Variants in TLN2 observed in about 807,000 individuals in gnomAD.
The protein encoded by TLN2 is talin 2.
Under a neutral mutation model 294.7 loss-of-function variants are expected in TLN2, and 118 were observed. That is an observed-to-expected ratio of 0.40 (90% CI 0.34 to 0.47). The LOEUF (loss-of-function observed/expected upper bound fraction) is 0.47. Among genes scored for constraint, TLN2 ranks in the 20% least tolerant of loss-of-function variants. TLN2 has a pLI of 0.84. For missense variants in TLN2, 3,083 were observed against 3,282.2 expected, an observed-to-expected ratio of 0.94 and a Z score of 1.48; for synonymous variants, 1,431 against 1,304.5, an observed-to-expected ratio of 1.10 and a Z score of -2.09.
chr15:62,503,093 A>G (rs932996339), intron 1 of TLN2, among the ~76,000 whole-genome samples: 3 of 149,582 alleles, frequency 2.0e-5, no homozygotes, highest in African/African-American at 7.4e-5. Context: ...GTGTGGCCAG[A>G]TTGCAGACTC....
At chr15:62,806,718 C>G (rs937583304) in intron 51 of TLN2, among the ~76,000 whole-genome samples, 1 of 152,182 alleles carries the variant, frequency 6.6e-6, no homozygotes, top group Non-Finnish European at 1.5e-5. Flanking sequence ...AGCCCCCACC[C>G]TAGGCCTTCC....
intron 2 of TLN2, among the ~76,000 whole-genome samples, chr15:62,605,201 G>T (rs2047330688): frequency 6.6e-6 from 1 of 152,146 alleles, no homozygotes; most frequent in Admixed American, 6.5e-5. Flanking sequence ...GTGAATTACA[G>T]TGTAGGTTTA....
chr15:62,652,120 T>A lies in TLN2; in HGVS notation c.350T>A (p.Ile117Asn), dbSNP rs930457718. The change falls in exon 6 of 59, where the codon ATT (isoleucine) becomes AAT (asparagine). Residue 117 changes from isoleucine (I) to asparagine (N), a missense_variant. Transcript: ENST00000636159. The stretch of plus-strand genomic sequence containing the variant: ...ACTGTGGGGGAGCTCCTGGTCACTA[T>A]TTGTAGCAGAATAGGTGAGCATTCA... Reference protein sequence around the residue: ...SKTVGELLVTICSRIGITNYE... With the variant: ...SKTVGELLVTNCSRIGITNYE... The A allele has an allele frequency of 6.3e-7, 1 of 1,599,530 alleles. No homozygotes were observed. Among genetic ancestry groups the A allele is most frequent in the Non-Finnish European group, 8.5e-7 (1 of 1,172,398 alleles).
intron 21 of TLN2, among the ~76,000 whole-genome samples, chr15:62,710,559 T>C (rs1446335482): frequency 3.3e-5 from 5 of 152,172 alleles, no homozygotes; most frequent in Admixed American, 1.3e-4. Flanking sequence ...AGAGGAAATA[T>C]GGAGAGTTCC....
intron 1 of TLN2, among the ~76,000 whole-genome samples, chr15:62,489,395 G>A (rs1339454104): frequency 6.6e-6 from 1 of 152,100 alleles, no homozygotes; most frequent in African/African-American, 2.4e-5. Flanking sequence ...TATCTCAGAG[G>A]CACTTTTAAA....
intron 1 of TLN2, among the ~76,000 whole-genome samples, chr15:62,403,454 A>G (rs1390273333): frequency 6.6e-6 from 1 of 152,092 alleles, no homozygotes; most frequent in Non-Finnish European, 1.5e-5. Flanking sequence ...GCTGGTTTCA[A>G]ACTCCTGGGT....
chr15:62,661,603 A>G (rs1176942613), intron 9 of TLN2, among the ~76,000 whole-genome samples: 1 of 152,226 alleles, frequency 6.6e-6, no homozygotes, highest in Admixed American at 6.5e-5. Flanking sequence ...TATATTAGGC[A>G]TCATACTGAA....
chr15:62,457,074 T>G (rs1368710971), intron 1 of TLN2, among the ~76,000 whole-genome samples: 2 of 152,350 alleles, frequency 1.3e-5, no homozygotes, highest in African/African-American at 4.8e-5. Flanking sequence ...GGGGAAGGTA[T>G]TAGCTCAGGT....
At chr15:62,830,000 AT>A (rs1473948448) in intron 54 of TLN2, 1 of 152,220 alleles carries the variant, frequency 6.6e-6, no homozygotes, top group Non-Finnish European at 1.5e-5. Context: ...AAGACTATCA[AT>A]TTATCCTGTT....
intron 43 of TLN2, among the ~76,000 whole-genome samples, chr15:62,779,572 G>T (rs1250320921): frequency 6.6e-6 from 1 of 152,138 alleles, no homozygotes; most frequent in Non-Finnish European, 1.5e-5. Flanking sequence ...AGGTTCTTTG[G>T]CTGGTGGCCA....
chr15:62,707,828 T>A (rs1391849005), intron 20 of TLN2, among the ~76,000 whole-genome samples: 1 of 151,848 alleles, frequency 6.6e-6, no homozygotes, highest in Non-Finnish European at 1.5e-5. Flanking sequence ...GAGTTACAAC[T>A]CAAGTCCATC....
chr15:62,834,939 G>A (rs1218674492), intron 55 of TLN2: 9 of 152,180 alleles, frequency 5.9e-5, no homozygotes, highest in Non-Finnish European at 1.3e-4. Context: ...TAAAAAATTG[G>A]TGAAGGAGGT....
chr15:62,832,838 C>CTTTT (rs1014392232), intron 54 of TLN2: 1 of 143,934 alleles, frequency 6.9e-6, no homozygotes. Context: ...GCCATCTTTC[C>CTTTT]TTTTTTTTTT....
intron 42 of TLN2, among the ~76,000 whole-genome samples, chr15:62,775,606 G>A (rs576424068): frequency 6.6e-6 from 1 of 152,288 alleles, no homozygotes; most frequent in South Asian, 2.1e-4. Context: ...GCCAGTTCCT[G>A]TGGCTCACAT....
At chr15:62,445,892 G>A (rs903376481) in intron 1 of TLN2, among the ~76,000 whole-genome samples, 2 of 152,064 alleles carry the variant, frequency 1.3e-5, no homozygotes, top group African/African-American at 4.8e-5. Context: ...TTGAACTCCT[G>A]GGCTCAAGGG....
chr15:62,669,861 A>G (rs1315004298), intron 9 of TLN2, among the ~76,000 whole-genome samples: 1 of 152,134 alleles, frequency 6.6e-6, no homozygotes, highest in Non-Finnish European at 1.5e-5. Context: ...TGCCACACAC[A>G]TGCACACACT....
intron 1 of TLN2, among the ~76,000 whole-genome samples, chr15:62,586,795 G>T (rs1209555427): frequency 6.6e-6 from 1 of 152,138 alleles, no homozygotes; most frequent in Non-Finnish European, 1.5e-5. Flanking sequence ...CAATTCCCTT[G>T]TTAGTCAGGA....
Position 62,698,826 on chromosome 15 carries a change from C to T in TLN2, c.1546C>T (p.Leu516Phe). 1.9e-6 allele frequency: 3 copies of T among 1,612,998 alleles called. No individual in the cohort carries two copies. Among genetic ancestry groups the T allele is most frequent in the Non-Finnish European group, 2.5e-6 (3 of 1,180,028 alleles). ...CGCCGTCCAGCAGGCCCAGGATGAT[C>T]TCAGTGAGCTCGACTCGCTGCCACC... ...MHAVQQAQDD[L>F]SELDSLPPLG... The change falls in exon 16 of 59, where the codon CTC (leucine) becomes TTC (phenylalanine). Residue 516 changes from leucine (L) to phenylalanine (F), a missense_variant. Transcript: ENST00000636159.
At chr15:62,465,203 T>A (rs1374028262) in intron 1 of TLN2, among the ~76,000 whole-genome samples, 1 of 151,678 alleles carries the variant, frequency 6.6e-6, no homozygotes, top group East Asian at 1.9e-4. Flanking sequence ...TATGTGCTGT[T>A]TCCTTTTAGC....
Sources: gnomAD v4.1 joint callset for allele counts (sites outside exome capture counted in the v4.1 genomes callset) on GRCh38, gnomAD v4.1.1 for gene constraint, MANE v1.5 for transcripts, NCBI Gene and HGNC (gene_info 2026-07-23, HGNC 2026-07-21) for gene names.